Variants in AK6 observed in about 807,000 individuals in gnomAD.
AK6 encodes adenylate kinase 6.
Under a neutral mutation model 23.7 loss-of-function variants are expected in AK6, and 24 were observed. The ratio of observed to expected loss-of-function variants is 1.01; its 90% CI spans 0.73 to 1.43. AK6 has a LOEUF of 1.43. Ranked by LOEUF, AK6 falls within the 40% of genes most tolerant of loss-of-function variation. The pLI is 0.00. For synonymous variants in AK6, 73 were observed against 69.8 expected (o/e 1.05, Z -0.23); for missense variants, 191 against 199.1 (o/e 0.96, Z 0.24).
At chr5:69,366,646 A>G (rs1762439179) in intron 1 of AK6, 51 bp from the exon 2 acceptor site, 1 of 1,270,478 alleles carries the variant, frequency 7.9e-7, no homozygotes. Context: ...TACTTATCAC[A>G]CTGCGGTCCA....
chr5:69,357,498 T>C (rs1444800018), intron 2 of AK6, among the ~76,000 whole-genome samples: 2 of 152,232 alleles, frequency 1.3e-5, no homozygotes, highest in East Asian at 3.8e-4. Context: ...GTTGACTCTC[T>C]GTTCCTTGAG....
rs147791913 is a variant in AK6 at position 69,351,901 on chromosome 5, T to A, written c.*160A>T. The A allele has an allele frequency of 3.2e-3, 1,421 of 451,058 alleles. 15 individuals carry two copies. Among genetic ancestry groups the A allele is most frequent in the African/African-American group, 0.025 (1,256 of 49,984 alleles). The allele number at this position is 451,058 out of a possible 1,614,324, so 27.9% of individuals were successfully genotyped here. ...ATATTCATTATATTTCATGTTTAGC[T>A]TTCTCATGGAGAAAAAGAAACACAG... On this transcript the variant is annotated 3_prime_UTR_variant, in exon 5 of 5. Coordinates refer to ENST00000380822, the MANE Select transcript of AK6 (RefSeq NM_016283.5).
In AK6 at chr5:69,352,022, T is replaced by G; in HGVS notation, c.*39A>C. 1 of 1,519,392 alleles carries G rather than the reference T, an allele frequency of 6.6e-7. No individual in the cohort carries two copies. Among genetic ancestry groups the G allele is most frequent in the Non-Finnish European group, 8.9e-7 (1 of 1,125,246 alleles). 94.1% of individuals were successfully genotyped at this position (1,519,392 alleles called of 1,614,324 possible). A position where few individuals can be genotyped will look rare whatever the true frequency, so the allele number is the denominator to read the frequency against. On this transcript the variant is annotated 3_prime_UTR_variant, in exon 5 of 5. Coordinates refer to ENST00000380822, the MANE Select transcript of AK6 (RefSeq NM_016283.5). Reference sequence around the variant, plus strand: ...ACAATTTCTATGATGTCGGCAGAGATATCAACAAGAGTGATTATTAAGTAG... The same window carrying G: ...ACAATTTCTATGATGTCGGCAGAGAGATCAACAAGAGTGATTATTAAGTAG...
intron 2 of AK6, among the ~76,000 whole-genome samples, chr5:69,359,229 CA>C (rs1030682215): frequency 6.0e-4 from 86 of 142,928 alleles, no homozygotes; most frequent in South Asian, 6.6e-4. Context: ...TACCTTGTCT[CA>C]AAAAAAAAAA....
At chr5:69,369,241 C>T (rs934854211) in intron 1 of AK6, 6 of 240,078 alleles carry the variant, frequency 2.5e-5, no homozygotes, top group Admixed American at 1.8e-4. Flanking sequence ...CCCCCGCCCC[C>T]CCCCGGAGCC....
At chr5:69,361,614 T>C (rs990767347) in intron 2 of AK6, among the ~76,000 whole-genome samples, 2 of 151,470 alleles carry the variant, frequency 1.3e-5, no homozygotes, top group African/African-American at 4.9e-5. Context: ...GATTTTTTTT[T>C]TTTTTTGAGA....
chr5:69,363,903 C>A (rs897150161), intron 2 of AK6, among the ~76,000 whole-genome samples: 3 of 151,836 alleles, frequency 2.0e-5, no homozygotes, highest in Non-Finnish European at 4.4e-5. Context: ...GCCTGGACAA[C>A]ATGGCAAAAG....
chr5:69,361,969 CTTTTTT>C (rs112797204), intron 2 of AK6, among the ~76,000 whole-genome samples: 8 of 104,834 alleles, frequency 7.6e-5, no homozygotes, highest in East Asian at 5.8e-4. Context: ...ACTTGATTCC[CTTTTTT>C]TTTTTTTTTT....
At chr5:69,366,712 A>G (rs1762442672) in intron 1 of AK6, 117 bp from the exon 2 acceptor site, 1 of 742,386 alleles carries the variant, frequency 1.3e-6, no homozygotes, top group South Asian at 1.7e-5. Flanking sequence ...TCTGCCCTTA[A>G]AAGTTCTTGA....
At chr5:69,361,969 C>CTT (rs112797204) in intron 2 of AK6, among the ~76,000 whole-genome samples, 61 of 104,812 alleles carry the variant, frequency 5.8e-4, no homozygotes, top group Middle Eastern at 7.5e-3. Context: ...ACTTGATTCC[C>CTT]TTTTTTTTTT....
chr5:69,369,386 C>A, intron 1 of AK6, 77 bp downstream of exon 1: 1 of 1,540,446 alleles, frequency 6.5e-7, no homozygotes. Context: ...GGGGCCCCCA[C>A]CTGGGCGCCC....
intron 1 of AK6, chr5:69,367,749 T>C (rs990225389): frequency 5.3e-5 from 8 of 152,114 alleles, no homozygotes; most frequent in Admixed American, 5.2e-4. Context: ...TTGGCTATGT[T>C]GCTTAGGCTA....
intron 2 of AK6, among the ~76,000 whole-genome samples, chr5:69,362,692 AG>A (rs1295863209): frequency 6.6e-6 from 1 of 152,048 alleles, no homozygotes; most frequent in Non-Finnish European, 1.5e-5. Flanking sequence ...GGTTGCAGTG[AG>A]GGGAAACTGT....
intron 2 of AK6, chr5:69,365,803 T>C: frequency 2.3e-6 from 3 of 1,319,286 alleles, no homozygotes; most frequent in Middle Eastern, 1.9e-4. Flanking sequence ...TCTGAAATAG[T>C]TACTTTAGTA....
chr5:69,359,777 C>T (rs942130499), intron 2 of AK6, among the ~76,000 whole-genome samples: 1 of 152,140 alleles, frequency 6.6e-6, no homozygotes, highest in Non-Finnish European at 1.5e-5. Flanking sequence ...ACCACATTTA[C>T]CTCAACTCAA....
Position 69,352,260 on chromosome 5 carries a change from G to A in AK6, c.327-7C>T. ...TTTCTTCTCATTATAACCCCTAGAAGGCAGGGAGGTTAAGCAAACAAGAAG... is the reference window on the plus strand; with the variant it reads ...TTTCTTCTCATTATAACCCCTAGAAAGCAGGGAGGTTAAGCAAACAAGAAG... On this transcript the variant is annotated splice_polypyrimidine_tract_variant and splice_region_variant and intron_variant, in intron 4 of 4. Coordinates refer to ENST00000380822, the MANE Select transcript of AK6 (RefSeq NM_016283.5). 1 of 1,600,424 alleles carries A rather than the reference G, an allele frequency of 6.2e-7. No individual in the cohort carries two copies.
intron 2 of AK6, among the ~76,000 whole-genome samples, chr5:69,361,970 T>A (rs922108551): frequency 1.9e-5 from 1 of 53,314 alleles, no homozygotes; most frequent in Admixed American, 1.8e-4. Context: ...CTTGATTCCC[T>A]TTTTTTTTTT....
At chr5:69,368,388 G>A (rs939727417) in intron 1 of AK6, among the ~76,000 whole-genome samples, 1 of 152,060 alleles carries the variant, frequency 6.6e-6, no homozygotes, top group Non-Finnish European at 1.5e-5. Flanking sequence ...GGAGAATAAC[G>A]GTCACCTCAA....
intron 2 of AK6, chr5:69,365,459 T>C (rs1762380786): frequency 6.2e-7 from 1 of 1,614,036 alleles, no homozygotes; most frequent in Admixed American, 1.7e-5. Flanking sequence ...TTGCAATATC[T>C]AATAAAAAAT....
Sources: allele counts gnomAD v4.1 joint callset (sites outside exome capture counted in the v4.1 genomes callset), GRCh38; gene constraint gnomAD v4.1.1; transcripts MANE v1.5; gene names NCBI Gene and HGNC (gene_info 2026-07-23, HGNC 2026-07-21).